Variants in EPHB1 observed in about 807,000 individuals in gnomAD.
The protein encoded by EPHB1 is EPH receptor B1, also known as ephrin type-B receptor 1.
EPHB1 carries 30 observed loss-of-function variants against 94.4 expected under a neutral mutation model. The ratio of observed to expected loss-of-function variants is 0.32; its 90% CI spans 0.24 to 0.43. EPHB1 has a LOEUF of 0.43. Among genes scored for constraint, EPHB1 ranks in the 20% least tolerant of loss-of-function variants. The pLI, the probability that EPHB1 is intolerant of heterozygous loss-of-function variation, is 1.00. For missense variants in EPHB1, 1,055 were observed against 1,308.3 expected, an observed-to-expected ratio of 0.81 and a Z score of 2.99; for synonymous variants, 522 against 489.1, an observed-to-expected ratio of 1.07 and a Z score of -0.89.
intron 3 of EPHB1, among the ~76,000 whole-genome samples, chr3:135,034,859 A>G (rs1421045255): frequency 2.6e-5 from 4 of 152,322 alleles, no homozygotes; most frequent in African/African-American, 9.6e-5. Flanking sequence ...TGTAGACCCT[A>G]CAGGATAGCC....
intron 2 of EPHB1, among the ~76,000 whole-genome samples, chr3:134,934,942 C>A (rs572281963): frequency 1.1e-4 from 16 of 152,300 alleles, no homozygotes; most frequent in South Asian, 1.0e-3. Flanking sequence ...GAATGCTTAA[C>A]CCTTGTTGGC....
intron 1 of EPHB1, among the ~76,000 whole-genome samples, chr3:134,824,125 C>CTTTTTTT (rs373504139): frequency 7.9e-5 from 8 of 100,764 alleles, no homozygotes; most frequent in Non-Finnish European, 1.2e-4. Flanking sequence ...GGATAATGCC[C>CTTTTTTT]TTTTTTTTTT....
chr3:134,921,629 A>G (rs1451325558), intron 1 of EPHB1, among the ~76,000 whole-genome samples: 1 of 152,268 alleles, frequency 6.6e-6, no homozygotes, highest in East Asian at 1.9e-4. Context: ...ATGAAATATC[A>G]TTAGATGTGT....
chr3:135,213,254 T>C (rs943832295), intron 12 of EPHB1, among the ~76,000 whole-genome samples: 1 of 152,184 alleles, frequency 6.6e-6, no homozygotes, highest in African/African-American at 2.4e-5. Context: ...TTTTCTCCTT[T>C]GCGCTTTCTT....
At chr3:135,169,831 A>C (rs9883173) in intron 9 of EPHB1, among the ~76,000 whole-genome samples, 97,275 of 152,056 alleles carry the variant, frequency 0.64, 31,567 homozygotes, top group Middle Eastern at 0.77. Context: ...TAGCAGAGGC[A>C]GACTACACAC....
chr3:135,006,857 C>T (rs189556654), intron 3 of EPHB1, among the ~76,000 whole-genome samples: 175 of 151,796 alleles, frequency 1.2e-3, no homozygotes, highest in Middle Eastern at 3.4e-3. Flanking sequence ...AGATAATGCT[C>T]GAACCCATGA....
intron 1 of EPHB1, chr3:134,823,874 G>T (rs1422934263): frequency 6.6e-6 from 1 of 152,236 alleles, no homozygotes; most frequent in Non-Finnish European, 1.5e-5. Context: ...AGAATGAGAA[G>T]AAAGCAGGGA....
At chr3:134,891,325 G>A (rs1467297649) in intron 1 of EPHB1, among the ~76,000 whole-genome samples, 4 of 152,104 alleles carry the variant, frequency 2.6e-5, no homozygotes, top group East Asian at 1.9e-4. Context: ...GCCCAGTCTC[G>A]TCTTGAACTC....
intron 1 of EPHB1, among the ~76,000 whole-genome samples, chr3:134,822,601 G>A (rs1453450516): frequency 3.9e-5 from 6 of 152,144 alleles, no homozygotes; most frequent in Admixed American, 2.6e-4. Context: ...CTATTGGTGA[G>A]CAAAGACCAC....
chr3:134,806,968 C>T (rs1404360225), intron 1 of EPHB1, among the ~76,000 whole-genome samples: 1 of 152,160 alleles, frequency 6.6e-6, no homozygotes, highest in Non-Finnish European at 1.5e-5. Context: ...TGTGAATACT[C>T]GAAGGGCATT....
intron 3 of EPHB1, among the ~76,000 whole-genome samples, chr3:135,007,214 A>G (rs1935449856): frequency 6.6e-6 from 1 of 152,174 alleles, no homozygotes; most frequent in African/African-American, 2.4e-5. Flanking sequence ...CAGCTGCCTA[A>G]CGCAGTAGCA....
At position 135,045,132 on chromosome 3, in the gene EPHB1, C is replaced by T. The variant is rs950491008; in HGVS notation, c.806-61316C>T. Among the ~76,000 whole-genome samples the T allele has an allele frequency of 1.9e-4, 29 of 152,186 alleles. 1 individual carries two copies. Among genetic ancestry groups the T allele is most frequent in the African/African-American group, 6.5e-4 (27 of 41,516 alleles). ...CACTTAGAGATGCCATTGCCTGTTT[C>T]GGTGCATTGACATTTGTGTGGATGG... is the stretch of plus-strand genomic sequence containing the variant. On this transcript the variant is annotated intron_variant, in intron 3 of 15. Transcript: ENST00000398015.
At chr3:134,917,614 T>G (rs2038601173) in intron 1 of EPHB1, among the ~76,000 whole-genome samples, 1 of 152,272 alleles carries the variant, frequency 6.6e-6, no homozygotes, top group South Asian at 2.1e-4. Context: ...TGGGGAGGAC[T>G]GTGCTGATCT....
chr3:135,258,230 C>T (rs1933500019), intron 15 of EPHB1, among the ~76,000 whole-genome samples: 1 of 152,210 alleles, frequency 6.6e-6, no homozygotes, highest in African/African-American at 2.4e-5. Context: ...TTGGCTCCTC[C>T]AATCACTGTT....
chr3:134,835,488 C>A (rs1203781367), intron 1 of EPHB1, among the ~76,000 whole-genome samples: 1 of 152,204 alleles, frequency 6.6e-6, no homozygotes, highest in Non-Finnish European at 1.5e-5. Context: ...AGTGCCTTTA[C>A]TTGCATTGTT....
intron 1 of EPHB1, among the ~76,000 whole-genome samples, chr3:134,834,054 TG>T (rs939624254): frequency 9.2e-5 from 14 of 151,812 alleles, no homozygotes; most frequent in African/African-American, 3.1e-4. Flanking sequence ...GCAGCTAAGA[TG>T]GGGTGTGGTG....
At chr3:134,844,812 T>C (rs2036840730) in intron 1 of EPHB1, among the ~76,000 whole-genome samples, 1 of 152,214 alleles carries the variant, frequency 6.6e-6, no homozygotes, top group Non-Finnish European at 1.5e-5. Context: ...TTTTGCTCAT[T>C]TCTGCTTTTT....
At chr3:134,816,187 A>T (rs1477908036) in intron 1 of EPHB1, among the ~76,000 whole-genome samples, 1 of 147,364 alleles carries the variant, frequency 6.8e-6, no homozygotes, top group Non-Finnish European at 1.5e-5. Flanking sequence ...GGTTCAAGCG[A>T]TTCTCATGCC....
At chr3:135,156,972 A>T (rs774809006) in intron 6 of EPHB1, among the ~76,000 whole-genome samples, 4 of 152,212 alleles carry the variant, frequency 2.6e-5, no homozygotes, top group African/African-American at 4.8e-5. Flanking sequence ...ACCTCATCTC[A>T]GAAAAACAAT....
Sources: allele counts gnomAD v4.1 joint callset (sites outside exome capture counted in the v4.1 genomes callset), GRCh38; gene constraint gnomAD v4.1.1; transcripts MANE v1.5; gene names NCBI Gene and HGNC (gene_info 2026-07-23, HGNC 2026-07-21).